The following POU2F1 variants were observed in gnomAD, a reference collection of about 807,000 sequenced individuals.
The protein encoded by POU2F1 is POU class 2 homeobox 1, also known as POU domain, class 2, transcription factor 1.
A neutral mutation model predicts 84.9 loss-of-function variants in POU2F1; 16 were observed. The ratio of observed to expected loss-of-function variants is 0.19; its 90% CI spans 0.13 to 0.29. The LOEUF is 0.29. Among genes scored for constraint, POU2F1 ranks in the 10% least tolerant of loss-of-function variants. The probability of loss-of-function intolerance (pLI) is 1.00; values close to 1 mark genes in which losing one functional copy is unlikely to be tolerated. For missense variants in POU2F1, 738 were observed against 942.6 expected, an observed-to-expected ratio of 0.78 and a Z score of 2.84; for synonymous variants, 368 against 368.3, an observed-to-expected ratio of 1.00 and a Z score of 0.01.
intron 9 of POU2F1, among the ~76,000 whole-genome samples, chr1:167,393,174 A>G (rs1162979850): frequency 1.3e-5 from 2 of 152,180 alleles, no homozygotes; most frequent in Admixed American, 6.5e-5. Context: ...AGTTAAGATT[A>G]TATATGAATC....
chr1:167,343,632 A>ATTTTTTTTTTTTTTT (rs869170039), intron 2 of POU2F1, among the ~76,000 whole-genome samples: 1 of 69,302 alleles, frequency 1.4e-5, no homozygotes, highest in Non-Finnish European at 2.8e-5. Context: ...CCAGGGGTCA[A>ATTTTTTTTTTTTTTT]TTTTTTTTTT....
chr1:167,221,690 A>T (rs1648203964), intron 1 of POU2F1, among the ~76,000 whole-genome samples: 1 of 150,546 alleles, frequency 6.6e-6, no homozygotes, highest in Admixed American at 6.6e-5. Flanking sequence ...GCCTCGCCCC[A>T]CTGGTCCCCA....
chr1:167,313,285 A>T (rs1346716878), intron 1 of POU2F1, among the ~76,000 whole-genome samples: 1 of 152,256 alleles, frequency 6.6e-6, no homozygotes, highest in African/African-American at 2.4e-5. Flanking sequence ...TGCAATTTCT[A>T]TCAAAATTCT....
In POU2F1 at chr1:167,231,962, G is replaced by A. The variant is rs146881625; in HGVS notation, c.61+11004G>A. Reference sequence around the variant, plus strand: ...ATTATACACAGGGGCATACCACAAGGGGATTGGTTCCAGGATTCCCTACTC... The same window carrying A: ...ATTATACACAGGGGCATACCACAAGAGGATTGGTTCCAGGATTCCCTACTC... On this transcript the variant is annotated intron_variant, in intron 1 of 15. Coordinates refer to ENST00000367866, the MANE Select transcript of POU2F1 (RefSeq NM_002697.4). Among the ~76,000 whole-genome samples, 18 of 152,202 alleles carry A rather than the reference G, an allele frequency of 1.2e-4. No individual in the cohort carries two copies. The East Asian group carries it at 2.9e-3, about 24-fold the overall frequency.
intron 1 of POU2F1, among the ~76,000 whole-genome samples, chr1:167,299,885 T>C (rs1654555931): frequency 6.6e-6 from 1 of 152,066 alleles, no homozygotes; most frequent in Admixed American, 6.5e-5. Context: ...TCTGATACAG[T>C]AGGTGTGAGG....
intron 2 of POU2F1, among the ~76,000 whole-genome samples, chr1:167,351,519 C>CAAAAAAAAA (rs34170498): frequency 3.9e-4 from 18 of 45,906 alleles, no homozygotes; most frequent in East Asian, 8.0e-4. Context: ...AGCACCATCT[C>CAAAAAAAAA]AAAAAAAAAA....
chr1:167,351,793 G>C (rs1159741754), intron 2 of POU2F1, among the ~76,000 whole-genome samples: 1 of 152,034 alleles, frequency 6.6e-6, no homozygotes, highest in Admixed American at 6.6e-5. Flanking sequence ...TTTCACCTTA[G>C]CTTTCTCCCT....
chr1:167,305,929 T>C (rs1324485606), intron 1 of POU2F1, among the ~76,000 whole-genome samples: 1 of 152,182 alleles, frequency 6.6e-6, no homozygotes, highest in African/African-American at 2.4e-5. Context: ...GGGCATATGG[T>C]AGACATGTTC....
chr1:167,303,114 G>A (rs1222164881), intron 1 of POU2F1, among the ~76,000 whole-genome samples: 1 of 151,888 alleles, frequency 6.6e-6, no homozygotes, highest in Non-Finnish European at 1.5e-5. Context: ...TATATTAGGG[G>A]GAGGTTAATG....
At chr1:167,230,252 A>G (rs1434483496) in intron 1 of POU2F1, among the ~76,000 whole-genome samples, 1 of 152,042 alleles carries the variant, frequency 6.6e-6, no homozygotes, top group South Asian at 2.1e-4. Flanking sequence ...TTTTTCCTCC[A>G]TTGGAAGGCC....
At chr1:167,225,404 A>G (rs528673297) in intron 1 of POU2F1, among the ~76,000 whole-genome samples, 1 of 152,338 alleles carries the variant, frequency 6.6e-6, no homozygotes, top group African/African-American at 2.4e-5. Context: ...GTTCTGCCAT[A>G]TTTTAAATTT....
At chr1:167,231,909 C>T (rs954932352) in intron 1 of POU2F1, among the ~76,000 whole-genome samples, 1 of 152,142 alleles carries the variant, frequency 6.6e-6, no homozygotes, top group Non-Finnish European at 1.5e-5. Context: ...GCAAAGGGAA[C>T]ACTATGCAGA....
At chr1:167,262,444 T>C (rs1417700359) in intron 1 of POU2F1, among the ~76,000 whole-genome samples, 1 of 152,224 alleles carries the variant, frequency 6.6e-6, no homozygotes, top group Admixed American at 6.5e-5. Flanking sequence ...CAGTGTACTT[T>C]GTTCAGCGAA....
At chr1:167,394,783 A>G (rs1473623229) in intron 9 of POU2F1, among the ~76,000 whole-genome samples, 1 of 152,224 alleles carries the variant, frequency 6.6e-6, no homozygotes, top group Non-Finnish European at 1.5e-5. Flanking sequence ...CTCATCTGTT[A>G]AACTTTTTAT....
At chr1:167,321,169 A>G (rs1185586524) in intron 1 of POU2F1, among the ~76,000 whole-genome samples, 1 of 152,266 alleles carries the variant, frequency 6.6e-6, no homozygotes, top group African/African-American at 2.4e-5. Flanking sequence ...TATATCATCC[A>G]TATAATGAAT....
chr1:167,406,545 C>A (rs1052412738), intron 13 of POU2F1, among the ~76,000 whole-genome samples: 1 of 151,864 alleles, frequency 6.6e-6, no homozygotes, highest in Non-Finnish European at 1.5e-5. Flanking sequence ...AGAAAAAAAA[C>A]GGAAGACAAT....
At chr1:167,247,873 T>G (rs571983327) in intron 1 of POU2F1, among the ~76,000 whole-genome samples, 1 of 152,180 alleles carries the variant, frequency 6.6e-6, no homozygotes, top group Non-Finnish European at 1.5e-5. Context: ...ATGTTTAAAT[T>G]TTGCCATGTT....
At chr1:167,260,935 A>G (rs146917168) in intron 1 of POU2F1, among the ~76,000 whole-genome samples, 39 of 152,276 alleles carry the variant, frequency 2.6e-4, no homozygotes, top group African/African-American at 8.4e-4. Context: ...TGAATTAACT[A>G]TATTTTTTTG....
intron 1 of POU2F1, among the ~76,000 whole-genome samples, chr1:167,263,348 T>C (rs1651707741): frequency 6.6e-6 from 1 of 152,026 alleles, no homozygotes; most frequent in African/African-American, 2.4e-5. Context: ...GATGAAACCC[T>C]GTTTCTACTA....
Sources: gnomAD v4.1 joint callset for allele counts (sites outside exome capture counted in the v4.1 genomes callset) on GRCh38, gnomAD v4.1.1 for gene constraint, MANE v1.5 for transcripts, NCBI Gene and HGNC (gene_info 2026-07-23, HGNC 2026-07-21) for gene names.